Variants in EYS observed in about 807,000 individuals in gnomAD.
EYS encodes protein eyes shut homolog.
A neutral mutation model predicts 282.1 loss-of-function variants in EYS; 250 were observed. The ratio of observed to expected loss-of-function variants is 0.89; its 90% CI spans 0.80 to 0.98. The LOEUF (loss-of-function observed/expected upper bound fraction) is 0.98. Ranked by LOEUF, EYS falls within the 50% of genes least tolerant of loss-of-function variation. The pLI is 0.00. For synonymous variants in EYS, 1,355 were observed against 1,282.9 expected (o/e 1.06, Z -1.20); for missense variants, 4,016 against 3,709.0 (o/e 1.08, Z -2.15).
At chr6:64,487,218 A>C (rs923649977) in intron 26 of EYS, among the ~76,000 whole-genome samples, 1 of 146,252 alleles carries the variant, frequency 6.8e-6, no homozygotes, top group South Asian at 2.2e-4. Flanking sequence ...AGAAAATCTT[A>C]GAAAGAGAGA....
intron 33 of EYS, among the ~76,000 whole-genome samples, chr6:64,013,224 C>T (rs1768728725): frequency 6.6e-6 from 1 of 152,170 alleles, no homozygotes; most frequent in African/African-American, 2.4e-5. Flanking sequence ...TCACGAGATA[C>T]TGGAGATTTT....
At chr6:65,368,250 A>G (rs1764990614) in intron 8 of EYS, among the ~76,000 whole-genome samples, 3 of 151,608 alleles carry the variant, frequency 2.0e-5, no homozygotes, top group Non-Finnish European at 4.4e-5. Context: ...GGGAACTACA[A>G]GTCAAGATGA....
chr6:64,642,466 C>T (rs1412905142), intron 22 of EYS, among the ~76,000 whole-genome samples: 1 of 152,124 alleles, frequency 6.6e-6, no homozygotes, highest in Non-Finnish European at 1.5e-5. Context: ...TTTTCTTCCC[C>T]TAGCTTATAA....
At chr6:63,820,655 A>G (rs1254018924) in intron 36 of EYS, among the ~76,000 whole-genome samples, 2 of 152,160 alleles carry the variant, frequency 1.3e-5, no homozygotes, top group South Asian at 4.1e-4. Context: ...GTTTTCTTCC[A>G]GTGGAGAATA....
chr6:65,519,345 G>A (rs1053987707), intron 2 of EYS, among the ~76,000 whole-genome samples: 4 of 151,082 alleles, frequency 2.6e-5, no homozygotes, highest in Non-Finnish European at 5.9e-5. Flanking sequence ...AAATGAGTTC[G>A]AACATTGTGC....
intron 5 of EYS, among the ~76,000 whole-genome samples, chr6:65,476,388 A>T (rs369103684): frequency 6.6e-6 from 1 of 152,204 alleles, no homozygotes; most frequent in African/African-American, 2.4e-5. Context: ...TACAAAATTG[A>T]TTGTTCATTA....
chr6:65,341,502 C>T (rs2150318010), intron 10 of EYS, among the ~76,000 whole-genome samples: 1 of 151,124 alleles, frequency 6.6e-6, no homozygotes, highest in Non-Finnish European at 1.5e-5. Flanking sequence ...TCTAATAGAA[C>T]AAAAAGGGAA....
At chr6:64,322,528 A>C (rs530775505) in intron 29 of EYS, among the ~76,000 whole-genome samples, 1 of 152,028 alleles carries the variant, frequency 6.6e-6, no homozygotes, top group Admixed American at 6.6e-5. Context: ...CTCAGAGAGA[A>C]GGAAAGTACA....
chr6:65,616,712 G>A (rs1243073531), intron 2 of EYS, among the ~76,000 whole-genome samples: 5 of 151,896 alleles, frequency 3.3e-5, no homozygotes, highest in Middle Eastern at 6.8e-3. Context: ...CTTGAACCCG[G>A]GAGGTCAAGG....
intron 2 of EYS, among the ~76,000 whole-genome samples, chr6:65,620,062 G>A (rs1766409771): frequency 6.6e-6 from 1 of 152,138 alleles, no homozygotes. Context: ...GATGATGCTG[G>A]CCTCATAAAA....
chr6:65,182,346 C>T (rs930397339), intron 12 of EYS, among the ~76,000 whole-genome samples: 1 of 151,052 alleles, frequency 6.6e-6, no homozygotes, highest in African/African-American at 2.4e-5. Flanking sequence ...TTATTTAAAT[C>T]TTTATATTTT....
At chr6:64,270,430 T>C (rs1403437094) in intron 30 of EYS, among the ~76,000 whole-genome samples, 1 of 151,966 alleles carries the variant, frequency 6.6e-6, no homozygotes, top group African/African-American at 2.4e-5. Flanking sequence ...AGTTAAAGAT[T>C]TATTTGGGGT....
intron 14 of EYS, among the ~76,000 whole-genome samples, chr6:64,993,322 A>C (rs1387650720): frequency 6.6e-6 from 1 of 151,840 alleles, no homozygotes; most frequent in Non-Finnish European, 1.5e-5. Context: ...ATGATTTATA[A>C]TCCTCTGGGT....
At chr6:65,145,769 T>C (rs1435466870) in intron 12 of EYS, among the ~76,000 whole-genome samples, 1 of 151,952 alleles carries the variant, frequency 6.6e-6, no homozygotes. Context: ...CAAATTTATA[T>C]AATAGGAGTT....
At chr6:64,967,031 T>C (rs1770117575) in intron 14 of EYS, among the ~76,000 whole-genome samples, 1 of 152,210 alleles carries the variant, frequency 6.6e-6, no homozygotes. Context: ...AATTATATTC[T>C]ACTAATTACA....
chr6:63,894,823 G>A (rs746256696), intron 35 of EYS, among the ~76,000 whole-genome samples: 8 of 151,920 alleles, frequency 5.3e-5, no homozygotes, highest in Non-Finnish European at 7.4e-5. Context: ...TCCTGACCTC[G>A]TGATCCGGCT....
At chr6:63,963,361 A>T (rs554812267) in intron 35 of EYS, among the ~76,000 whole-genome samples, 22 of 152,340 alleles carry the variant, frequency 1.4e-4, no homozygotes, top group South Asian at 4.1e-4. Flanking sequence ...AAAGAAAATT[A>T]AAAAAGGACT....
intron 19 of EYS, among the ~76,000 whole-genome samples, chr6:64,866,856 A>G (rs1392837012): frequency 6.6e-6 from 1 of 151,774 alleles, no homozygotes; most frequent in African/African-American, 2.4e-5. Flanking sequence ...ATTAAGAGTG[A>G]TGAAACAGGA....
In EYS at chr6:65,488,527, A is replaced by G. The variant is rs565644292; in HGVS notation, c.862+2067T>C. 4.5e-4 allele frequency among the ~76,000 whole-genome samples: 69 copies of G among 152,320 alleles called. No individual in the cohort carries two copies. In the South Asian group the frequency reaches 0.014, roughly 31 times the overall value. On this transcript the variant is annotated intron_variant, in intron 5 of 42. Transcript: ENST00000503581. ...CCATGTTCATGGATAGGAAGAATCAATATCTTGAAAATGGCCTTACTGTCC... is the reference window on the plus strand; with the variant it reads ...CCATGTTCATGGATAGGAAGAATCAGTATCTTGAAAATGGCCTTACTGTCC...
Sources: gnomAD v4.1 joint callset for allele counts (sites outside exome capture counted in the v4.1 genomes callset) on GRCh38, gnomAD v4.1.1 for gene constraint, MANE v1.5 for transcripts, NCBI Gene and HGNC (gene_info 2026-07-23, HGNC 2026-07-21) for gene names.